The following KCTD4 variants were observed in gnomAD, a reference collection of about 807,000 sequenced individuals.
The protein encoded by KCTD4 is potassium channel tetramerization domain containing 4, also known as BTB/POZ domain-containing protein KCTD4.
Under a neutral mutation model 18.3 loss-of-function variants are expected in KCTD4, and 12 were observed. The observed-to-expected ratio is 0.66, with a 90% confidence interval of 0.42 to 1.06. The LOEUF (loss-of-function observed/expected upper bound fraction) is 1.06. Ranked by LOEUF, KCTD4 falls within the 50% of genes least tolerant of loss-of-function variation. The pLI is 0.00. For missense variants in KCTD4, 250 were observed against 303.4 expected, an observed-to-expected ratio of 0.82 and a Z score of 1.31; for synonymous variants, 124 against 110.5, an observed-to-expected ratio of 1.12 and a Z score of -0.76.
Position 45,193,460 on chromosome 13 carries a change from C to T in KCTD4, c.*328G>A. The T allele has an allele frequency of 4.7e-6, 1 of 213,096 alleles. No individual in the cohort carries two copies. The highest frequency in any genetic ancestry group is 1.1e-4 in the East Asian group (1 of 9,496). 13.2% of individuals were successfully genotyped at this position (213,096 alleles called of 1,614,324 possible). ...AAATGAACGATAGATAATGTACATG[C>T]TTTCTTTTTTGTGCAAATACCCAAG... On this transcript the variant is annotated 3_prime_UTR_variant, in exon 2 of 2. Coordinates refer to ENST00000379108, the MANE Select transcript of KCTD4 (RefSeq NM_198404.3).
At chr13:45,200,376 G>A (rs995011902) in intron 1 of KCTD4, among the ~76,000 whole-genome samples, 9 of 152,026 alleles carry the variant, frequency 5.9e-5, no homozygotes, top group Non-Finnish European at 1.5e-5. Flanking sequence ...AGGCTGGAGT[G>A]TATTGCAACC....
intron 1 of KCTD4, among the ~76,000 whole-genome samples, chr13:45,197,509 C>CAAAA (rs1195927657): frequency 3.3e-5 from 3 of 91,500 alleles, no homozygotes; most frequent in African/African-American, 1.2e-4. Context: ...ACCCTGTCTC[C>CAAAA]AAAAAAAAAA....
chr13:45,194,561 G>T lies in KCTD4; in HGVS notation c.7C>A (p.Arg3Ser), dbSNP rs766636820. The T allele has an allele frequency of 6.2e-7, 1 of 1,606,646 alleles. No homozygotes were observed. Among genetic ancestry groups the T allele is most frequent in the Non-Finnish European group, 8.5e-7 (1 of 1,177,030 alleles). ME[R>S]KINRREKEKE... ...TCTTTTTCTCTTCTGTTTATTTTACGCTCCATTTTTTGAAGATGCTATTTC... is the reference window on the plus strand; with the variant it reads ...TCTTTTTCTCTTCTGTTTATTTTACTCTCCATTTTTTGAAGATGCTATTTC... Residue 3 changes from arginine (R) to serine (S), a missense_variant, in exon 2 of 2, where the codon CGT becomes AGT. Physicochemically the swap from Arg to Ser is moderately radical, Grantham distance 110 (BLOSUM62 -1). Transcript: ENST00000379108.
Position 45,194,220 on chromosome 13 carries a change from G to A in KCTD4, c.348C>T (p.Phe116=), listed in dbSNP as rs911837661. 8 of 1,614,132 alleles carry A rather than the reference G, an allele frequency of 5.0e-6. No homozygotes were observed. The highest frequency in any genetic ancestry group is 6.8e-6 in the Non-Finnish European group (8 of 1,180,006). ...ENQLLAQEAE[F]FQLKGLAEEV... ...CCTCTGCCAGTCCCTTGAGCTGAAA[G>A]AATTCTGCTTCTTGTGCAAGAAGTT... The change falls in exon 2 of 2, where the codon TTC becomes TTT. Residue 116 remains phenylalanine, a synonymous_variant. Transcript: ENST00000379108.
intron 1 of KCTD4, among the ~76,000 whole-genome samples, chr13:45,197,323 C>A (rs1193503049): frequency 6.8e-6 from 1 of 146,366 alleles, no homozygotes; most frequent in African/African-American, 2.6e-5. Context: ...ATAGGGAAAT[C>A]CTTTGTCTAC....
In KCTD4 at chr13:45,193,678, G is replaced by T; in HGVS notation, c.*110C>A. The T allele has an allele frequency of 1.0e-6, 1 of 953,680 alleles. No homozygotes were observed. Among genetic ancestry groups the T allele is most frequent in the Admixed American group, 2.4e-5 (1 of 41,002 alleles). The allele number at this position is 953,680 out of a possible 1,614,324, so 59.1% of individuals were successfully genotyped here. On this transcript the variant is annotated 3_prime_UTR_variant, in exon 2 of 2. Coordinates refer to ENST00000379108, the MANE Select transcript of KCTD4 (RefSeq NM_198404.3). ...CTCACAGTAATTGATTAGTAGCAGG[G>T]CTCTGTAGTACAGAGCTAGCTGGGC...
chr13:45,199,473 A>G (rs1031948187), intron 1 of KCTD4, among the ~76,000 whole-genome samples: 27 of 152,128 alleles, frequency 1.8e-4, no homozygotes, highest in African/African-American at 6.5e-4. Context: ...CCTGTGTTTT[A>G]TAATTTTGTA....
chr13:45,198,554 G>A (rs2138179375), intron 1 of KCTD4, among the ~76,000 whole-genome samples: 1 of 152,254 alleles, frequency 6.6e-6, no homozygotes, highest in African/African-American at 2.4e-5. Flanking sequence ...TCAAATCTTG[G>A]TTGTTGTCAG....
intron 1 of KCTD4, among the ~76,000 whole-genome samples, chr13:45,197,080 T>C (rs1040795880): frequency 2.0e-5 from 3 of 152,006 alleles, no homozygotes; most frequent in Non-Finnish European, 4.4e-5. Context: ...AGTTGACATG[T>C]GTGATTTCTT....
At position 45,193,664 on chromosome 13, in the gene KCTD4, T is replaced by C. The variant is rs1261420903; in HGVS notation, c.*124A>G. ...TTACATACCGTTAGCTCACAGTAAT[T>C]GATTAGTAGCAGGGCTCTGTAGTAC... On this transcript the variant is annotated 3_prime_UTR_variant, in exon 2 of 2. Coordinates refer to ENST00000379108, the MANE Select transcript of KCTD4 (RefSeq NM_198404.3). 4.9e-6 allele frequency: 4 copies of C among 824,212 alleles called. No homozygotes were observed. Among genetic ancestry groups the C allele is most frequent in the Non-Finnish European group, 7.7e-6 (4 of 520,836 alleles). The allele number at this position is 824,212 out of a possible 1,614,324, so 51.1% of individuals were successfully genotyped here.
chr13:45,194,596 T>A lies in KCTD4; in HGVS notation c.-29A>T. The A allele has an allele frequency of 6.3e-7, 1 of 1,580,404 alleles. No homozygotes were observed. Among genetic ancestry groups the A allele is most frequent in the Non-Finnish European group, 8.6e-7 (1 of 1,163,358 alleles). On this transcript the variant is annotated 5_prime_UTR_variant, in exon 2 of 2. It adds an upstream start codon to the 5' untranslated region. Coordinates refer to ENST00000379108, the MANE Select transcript of KCTD4 (RefSeq NM_198404.3). ...TTGAAGATGCTATTTCAGCTTGTTC[T>A]TCTTGGCTTTGAGATTTTTTAAAAA...
chr13:45,195,708 A>G (rs1378538388), intron 1 of KCTD4, among the ~76,000 whole-genome samples: 1 of 152,220 alleles, frequency 6.6e-6, no homozygotes, highest in Non-Finnish European at 1.5e-5. Flanking sequence ...TTTCACTTCT[A>G]GCATTTAAAG....
At position 45,194,025 on chromosome 13, in the gene KCTD4, A is replaced by C. The variant is rs1182418059; in HGVS notation, c.543T>G (p.Asp181Glu). 1 of 1,614,124 alleles carries C rather than the reference A, an allele frequency of 6.2e-7. No individual in the cohort carries two copies. Among genetic ancestry groups the C allele is most frequent in the South Asian group, 1.1e-5 (1 of 91,084 alleles). Reference sequence around the variant, plus strand: ...ATATTGAAAACTCCTCTGGAAATCCATCCAGCCTGCTTTTGGACACCAGAA... The same window carrying C: ...ATATTGAAAACTCCTCTGGAAATCCCTCCAGCCTGCTTTTGGACACCAGAA... ...RIVLVSKSRL[D>E]GFPEEFSISS... The change falls in exon 2 of 2, where the codon GAT becomes GAG. Residue 181 changes from aspartate to glutamate, a missense_variant. Physicochemically the swap from Asp to Glu is conservative, Grantham distance 45. Transcript: ENST00000379108.
chr13:45,197,341 T>TAAAA (rs67534725), intron 1 of KCTD4, among the ~76,000 whole-genome samples: 1 of 137,112 alleles, frequency 7.3e-6, no homozygotes, highest in African/African-American at 2.7e-5. Context: ...TACCAAAAAT[T>TAAAA]AAAAAAAAAA....
chr13:45,199,462 A>AT (rs1873068379), intron 1 of KCTD4, among the ~76,000 whole-genome samples: 1 of 152,122 alleles, frequency 6.6e-6, no homozygotes, highest in African/African-American at 2.4e-5. Context: ...TTTCAGGGAA[A>AT]CCTGTGTTTT....
Position 45,194,645 on chromosome 13 carries a change from C to G in KCTD4, c.-78G>C. The G allele has an allele frequency of 7.8e-7, 1 of 1,288,784 alleles. No individual in the cohort carries two copies. The highest frequency in any genetic ancestry group is 1.1e-6 in the Non-Finnish European group (1 of 919,092). 79.8% of individuals were successfully genotyped at this position (1,288,784 alleles called of 1,614,324 possible). On this transcript the variant is annotated 5_prime_UTR_variant, in exon 2 of 2. Transcript: ENST00000379108. Reference sequence around the variant, plus strand: ...AAGAGACACTACCACACAAGCACGCCTTTATTCAGCCCCAGCCTGGTGATG... The same window carrying G: ...AAGAGACACTACCACACAAGCACGCGTTTATTCAGCCCCAGCCTGGTGATG...
chr13:45,196,963 T>C (rs1248818230), intron 1 of KCTD4, among the ~76,000 whole-genome samples: 1 of 152,032 alleles, frequency 6.6e-6, no homozygotes, highest in Middle Eastern at 3.2e-3. Flanking sequence ...TGATGAGTGC[T>C]CGTTTCTGCA....
At chr13:45,199,515 T>C (rs1336327524) in intron 1 of KCTD4, among the ~76,000 whole-genome samples, 5 of 151,874 alleles carry the variant, frequency 3.3e-5, no homozygotes, top group Non-Finnish European at 7.4e-5. Flanking sequence ...TTTTTAAAAA[T>C]GAAGTTTTTT....
intron 1 of KCTD4, among the ~76,000 whole-genome samples, chr13:45,198,775 T>TA: frequency 6.6e-6 from 1 of 152,222 alleles, no homozygotes; most frequent in Non-Finnish European, 1.5e-5. Flanking sequence ...TCTTTTTTTT[T>TA]AACATGTACT....
Sources: allele counts gnomAD v4.1 joint callset (sites outside exome capture counted in the v4.1 genomes callset), GRCh38; gene constraint gnomAD v4.1.1; transcripts MANE v1.5; gene names NCBI Gene and HGNC (gene_info 2026-07-23, HGNC 2026-07-21).